TNFAIP8: variants seen among roughly 807,000 people sequenced by gnomAD.
The protein encoded by TNFAIP8 is TNF alpha induced protein 8, also known as tumor necrosis factor alpha-induced protein 8.
Under a neutral mutation model 13.3 loss-of-function variants are expected in TNFAIP8, and 7 were observed. The ratio of observed to expected loss-of-function variants is 0.52; its 90% CI spans 0.30 to 0.99. TNFAIP8 has a LOEUF of 0.99. TNFAIP8 is among the 50% of genes least tolerant of loss of function. The probability of loss-of-function intolerance (pLI) is 0.07; values close to 1 mark genes in which losing one functional copy is unlikely to be tolerated. For synonymous variants in TNFAIP8, 94 were observed against 87.6 expected, an observed-to-expected ratio of 1.07 and a Z score of -0.41; for missense variants, 258 against 236.9, an observed-to-expected ratio of 1.09 and a Z score of -0.58.
intron 1 of TNFAIP8, among the ~76,000 whole-genome samples, chr5:119,361,990 C>A (rs1751652474): frequency 6.6e-6 from 1 of 151,926 alleles, no homozygotes; most frequent in African/African-American, 2.4e-5. Flanking sequence ...TGTAGATAAC[C>A]CCATCTTCAG....
intron 1 of TNFAIP8, among the ~76,000 whole-genome samples, chr5:119,295,485 C>T (rs925850071): frequency 6.6e-6 from 1 of 151,898 alleles, no homozygotes; most frequent in Non-Finnish European, 1.5e-5. Context: ...TTCTGTTGAT[C>T]TATATCTCTG....
At chr5:119,367,989 T>C (rs1382492846) in intron 1 of TNFAIP8, among the ~76,000 whole-genome samples, 1 of 152,220 alleles carries the variant, frequency 6.6e-6, no homozygotes, top group Non-Finnish European at 1.5e-5. Context: ...ATTCTCTCCT[T>C]GTTATCTCTT....
intron 1 of TNFAIP8, among the ~76,000 whole-genome samples, chr5:119,300,113 C>G (rs1157501463): frequency 4.6e-5 from 7 of 152,186 alleles, no homozygotes; most frequent in Admixed American, 2.6e-4. Flanking sequence ...TGCGCTGCAC[C>G]CACTGTCCTG....
intron 1 of TNFAIP8, among the ~76,000 whole-genome samples, chr5:119,345,717 C>T (rs1200182903): frequency 1.3e-5 from 2 of 152,016 alleles, no homozygotes; most frequent in South Asian, 2.1e-4. Context: ...CAGAGAATGG[C>T]GAATTAGTCT....
chr5:119,313,484 C>T (rs1005228046), intron 1 of TNFAIP8, among the ~76,000 whole-genome samples: 8 of 152,292 alleles, frequency 5.3e-5, no homozygotes, highest in Non-Finnish European at 7.3e-5. Context: ...AGATGTTATA[C>T]TGTTCCTAAG....
chr5:119,340,803 T>A (rs904666655), intron 1 of TNFAIP8, among the ~76,000 whole-genome samples: 1 of 152,150 alleles, frequency 6.6e-6, no homozygotes, highest in East Asian at 1.9e-4. Flanking sequence ...TGAGTGGCGG[T>A]TTGAATTGCA....
intron 1 of TNFAIP8, among the ~76,000 whole-genome samples, chr5:119,362,607 G>A (rs1197699217): frequency 2.7e-5 from 4 of 148,466 alleles, no homozygotes; most frequent in Non-Finnish European, 4.5e-5. Flanking sequence ...ACCGGCCTGG[G>A]CAACAAAGTG....
Position 119,269,037 on chromosome 5 carries a change from G to A in TNFAIP8, c.1+130G>A, listed in dbSNP as rs74360475. 5.9e-3 allele frequency: 3,478 copies of A among 592,352 alleles called. 75 individuals carry two copies. The East Asian group carries it at 0.061, about 10-fold the overall frequency. The allele number at this position is 592,352 out of a possible 1,614,324, so 36.7% of individuals were successfully genotyped here. The stretch of plus-strand genomic sequence containing the variant: ...CTGAAGCGAGTGTGAGTGAGTGTGA[G>A]TGGGTGCGTTTGAACAACTTGTTTA... On this transcript the variant is annotated intron_variant, in intron 1 of 1. Coordinates refer to the TNFAIP8 transcript ENST00000274456.
intron 1 of TNFAIP8, among the ~76,000 whole-genome samples, chr5:119,383,359 A>G (rs1278861009): frequency 3.3e-5 from 5 of 152,230 alleles, no homozygotes; most frequent in Non-Finnish European, 5.9e-5. Flanking sequence ...TTCCCTTTGG[A>G]TGATAAATTA....
chr5:119,305,948 C>G (rs181036851), intron 1 of TNFAIP8, among the ~76,000 whole-genome samples: 10 of 152,320 alleles, frequency 6.6e-5, no homozygotes, highest in Admixed American at 6.5e-4. Context: ...GGCTCCGGAT[C>G]CTTCTGGCCA....
chr5:119,304,418 T>G (rs1749490704), intron 1 of TNFAIP8, among the ~76,000 whole-genome samples: 1 of 152,246 alleles, frequency 6.6e-6, no homozygotes, highest in Non-Finnish European at 1.5e-5. Flanking sequence ...AGGCACTCAC[T>G]CTGTGCTTTT....
At chr5:119,308,097 C>T (rs1749620119) in intron 1 of TNFAIP8, among the ~76,000 whole-genome samples, 1 of 152,124 alleles carries the variant, frequency 6.6e-6, no homozygotes, top group South Asian at 2.1e-4. Context: ...TCTTGTGGTG[C>T]AACATGTGGC....
At chr5:119,373,567 C>T (rs1752168260) in intron 1 of TNFAIP8, among the ~76,000 whole-genome samples, 1 of 152,126 alleles carries the variant, frequency 6.6e-6, no homozygotes, top group Admixed American at 6.5e-5. Context: ...CAAGAAAGTA[C>T]ATATTACATG....
chr5:119,365,014 G>GCTAA (rs1751791436), intron 1 of TNFAIP8, among the ~76,000 whole-genome samples: 1 of 151,756 alleles, frequency 6.6e-6, no homozygotes, highest in South Asian at 2.1e-4. Context: ...ACCACGCCCA[G>GCTAA]CTAATTTTTG....
Position 119,362,933 on chromosome 5 carries a change from C to A in TNFAIP8, c.31+6812C>A, listed in dbSNP as rs569588473. Among the ~76,000 whole-genome samples, 14 of 152,236 alleles carry A rather than the reference C, an allele frequency of 9.2e-5. No individual in the cohort carries two copies. In the East Asian group the frequency reaches 2.7e-3, roughly 29 times the overall value. ...CAAGATTGAACCTGAGTATAAGGAGCCTCGCCAAGAAAGTGTGAGAGTAGC... is the reference window on the plus strand; with the variant it reads ...CAAGATTGAACCTGAGTATAAGGAGACTCGCCAAGAAAGTGTGAGAGTAGC... On this transcript the variant is annotated intron_variant, in intron 1 of 1. Coordinates refer to ENST00000504771, the MANE Select transcript of TNFAIP8 (RefSeq NM_014350.4).
At chr5:119,362,867 G>C (rs1036591110) in intron 1 of TNFAIP8, among the ~76,000 whole-genome samples, 4 of 152,088 alleles carry the variant, frequency 2.6e-5, no homozygotes, top group African/African-American at 9.7e-5. Flanking sequence ...TAGTGTTTTA[G>C]TAATGCCAAG....
intron 1 of TNFAIP8, among the ~76,000 whole-genome samples, chr5:119,365,485 G>A (rs998434999): frequency 1.3e-5 from 2 of 152,188 alleles, no homozygotes; most frequent in Non-Finnish European, 2.9e-5. Context: ...TGCTCAGACA[G>A]CTTCACTCAG....
rs117482890 is a variant in TNFAIP8, at chr5:119,270,699, A to G, written c.1+1792A>G. On this transcript the variant is annotated intron_variant, in intron 1 of 1. Coordinates refer to the TNFAIP8 transcript ENST00000274456. ...TAATCTGAGTAAATAAAGTTTAGGGAAGTAGACTACCACCTACTCCTCTGT... is the reference window on the plus strand; with the variant it reads ...TAATCTGAGTAAATAAAGTTTAGGGGAGTAGACTACCACCTACTCCTCTGT... 4.0e-3 allele frequency among the ~76,000 whole-genome samples: 607 copies of G among 152,336 alleles called. 8 individuals carry two copies. The highest frequency in any genetic ancestry group is 0.028 in the South Asian group (135 of 4,824).
chr5:119,384,187 TTCAG>T, intron 1 of TNFAIP8, among the ~76,000 whole-genome samples: 1 of 152,312 alleles, frequency 6.6e-6, no homozygotes, highest in Middle Eastern at 3.4e-3. Context: ...GCCGTAAAGC[TTCAG>T]TAAGATAACG....
Sources: gnomAD v4.1 joint callset for allele counts (sites outside exome capture counted in the v4.1 genomes callset) on GRCh38, gnomAD v4.1.1 for gene constraint, MANE v1.5 for transcripts, NCBI Gene and HGNC (gene_info 2026-07-23, HGNC 2026-07-21) for gene names.